The following DGKI variants were observed in gnomAD, a reference collection of about 807,000 sequenced individuals.
The protein encoded by DGKI is diacylglycerol kinase iota, also known as DAG kinase iota.
DGKI carries 55 observed loss-of-function variants against 147.5 expected under a neutral mutation model. The ratio of observed to expected loss-of-function variants is 0.37; its 90% CI spans 0.30 to 0.47. DGKI has a LOEUF of 0.47. DGKI is among the 20% of genes least tolerant of loss of function. The pLI is 1.00. For synonymous variants in DGKI, 469 were observed against 477.1 expected, an observed-to-expected ratio of 0.98 and a Z score of 0.22; for missense variants, 1,007 against 1,323.8, an observed-to-expected ratio of 0.76 and a Z score of 3.71.
chr7:137,814,313 C>T (rs912022993), intron 1 of DGKI, among the ~76,000 whole-genome samples: 4 of 152,058 alleles, frequency 2.6e-5, no homozygotes, highest in African/African-American at 9.7e-5. Context: ...TAAAGAAATG[C>T]CAAAAAACGA....
At chr7:137,427,111 C>T (rs1812845648) in intron 28 of DGKI, among the ~76,000 whole-genome samples, 1 of 151,910 alleles carries the variant, frequency 6.6e-6, no homozygotes, top group Admixed American at 6.6e-5. Flanking sequence ...TTTTCAGCAC[C>T]ACCCCACACC....
intron 21 of DGKI, among the ~76,000 whole-genome samples, chr7:137,497,588 C>T (rs968750748): frequency 6.6e-6 from 1 of 152,002 alleles, no homozygotes; most frequent in African/African-American, 2.4e-5. Flanking sequence ...GGGACATATA[C>T]ACCATGCAAT....
At position 137,387,706 on chromosome 7, in the gene DGKI, G is replaced by A. The variant is rs1188186711; in HGVS notation, c.*3514C>T. 1.3e-5 allele frequency: 2 copies of A among 152,044 alleles called. No individual in the cohort carries two copies. The highest frequency in any genetic ancestry group is 1.3e-4 in the Admixed American group (2 of 15,238). The allele number at this position is 152,044 out of a possible 1,614,324, so 9.4% of individuals were successfully genotyped here. On this transcript the variant is annotated 3_prime_UTR_variant, in exon 33 of 33. Coordinates refer to ENST00000614521, the MANE Select transcript of DGKI (RefSeq NM_001321708.2). ...AAGTGGGACACAACACCAGAACAAA[G>A]GGATGCCTTGACTGTGGATGTGATA...
intron 23 of DGKI, among the ~76,000 whole-genome samples, chr7:137,470,786 C>G (rs774848844): frequency 1.7e-4 from 26 of 152,098 alleles, no homozygotes; most frequent in Non-Finnish European, 3.4e-4. Context: ...TGTTTATTAT[C>G]TCCTGCTCCA....
rs531012454 is a variant in DGKI at position 137,737,621 on chromosome 7, C to T, written c.402-47619G>A. Among the ~76,000 whole-genome samples, 245 of 152,132 alleles carry T rather than the reference C, an allele frequency of 1.6e-3. 3 individuals carry two copies. Among genetic ancestry groups the T allele is most frequent in the Non-Finnish European group, 3.0e-3 (206 of 67,966 alleles). ...TTGAGCCCAAGGCATTTCCTATCAA[C>T]CCAAATTACATCTCCTGTTTCCCTA... On this transcript the variant is annotated intron_variant, in intron 1 of 32. Coordinates refer to ENST00000614521, the MANE Select transcript of DGKI (RefSeq NM_001321708.2).
chr7:137,666,601 T>G (rs1211164993), intron 3 of DGKI, among the ~76,000 whole-genome samples: 1 of 152,174 alleles, frequency 6.6e-6, no homozygotes, highest in Non-Finnish European at 1.5e-5. Context: ...GCGAAGGGCC[T>G]GATAAGTTTG....
chr7:137,662,240 C>CTTTTTTTTT lies in DGKI; in HGVS notation c.607-5709_607-5701dup, dbSNP rs1170356266. Among the ~76,000 whole-genome samples the CTTTTTTTTT allele has an allele frequency of 2.1e-4, 26 of 126,432 alleles. 1 individual carries two copies. Among genetic ancestry groups the CTTTTTTTTT allele is most frequent in the African/African-American group, 7.1e-4 (23 of 32,606 alleles). 82.9% of individuals were successfully genotyped at this position (126,432 alleles called of 152,430 possible). A position where few individuals can be genotyped will look rare whatever the true frequency, so the allele number is the denominator to read the frequency against. On this transcript the variant is annotated intron_variant, in intron 3 of 32. Transcript: ENST00000614521. Reference sequence around the variant, plus strand: ...GGCCGGCTGAAGTTCCAGCACACTCCTTTTTTTTTTTTTTTTTTTCGAGAC... The same window carrying CTTTTTTTTT: ...GGCCGGCTGAAGTTCCAGCACACTCCTTTTTTTTTTTTTTTTTTTTTTTTTTTTCGAGAC...
intron 1 of DGKI, among the ~76,000 whole-genome samples, chr7:137,845,496 A>T (rs2117124611): frequency 6.6e-6 from 1 of 152,302 alleles, no homozygotes; most frequent in East Asian, 1.9e-4. Flanking sequence ...CAGCAAGTGT[A>T]CATCTTTGTA....
chr7:137,593,188 G>A (rs1819673887), intron 12 of DGKI, among the ~76,000 whole-genome samples: 2 of 152,094 alleles, frequency 1.3e-5, no homozygotes, highest in Non-Finnish European at 2.9e-5. Context: ...GGTTAAAGGT[G>A]GACTTGCAGA....
chr7:137,506,947 CAA>C (rs1816389339), intron 21 of DGKI, among the ~76,000 whole-genome samples: 1 of 152,056 alleles, frequency 6.6e-6, no homozygotes, highest in Non-Finnish European at 1.5e-5. Flanking sequence ...CCAAATGTGC[CAA>C]GGTTATCATG....
At chr7:137,471,503 GT>G (rs1479902210) in intron 23 of DGKI, among the ~76,000 whole-genome samples, 1 of 152,174 alleles carries the variant, frequency 6.6e-6, no homozygotes, top group Non-Finnish European at 1.5e-5. Context: ...TAAATCACTT[GT>G]TCTCAAAGTG....
intron 23 of DGKI, among the ~76,000 whole-genome samples, chr7:137,476,839 A>G (rs1355259791): frequency 6.6e-6 from 1 of 152,232 alleles, no homozygotes; most frequent in Non-Finnish European, 1.5e-5. Flanking sequence ...GGTGGAGAGT[A>G]CAGACTTCTT....
At chr7:137,422,070 G>A (rs989285725) in intron 28 of DGKI, among the ~76,000 whole-genome samples, 8 of 152,298 alleles carry the variant, frequency 5.3e-5, no homozygotes, top group African/African-American at 1.9e-4. Flanking sequence ...AAATGTTTAT[G>A]AGTCAACTCA....
chr7:137,738,726 C>A (rs1006000547), intron 1 of DGKI, among the ~76,000 whole-genome samples: 4 of 2,238 alleles, frequency 1.8e-3, no homozygotes, highest in African/African-American at 5.8e-3. Flanking sequence ...GATGAGGTTC[C>A]CCCCCCCCCT....
At chr7:137,453,553 A>G (rs992538096) in intron 27 of DGKI, among the ~76,000 whole-genome samples, 1 of 152,222 alleles carries the variant, frequency 6.6e-6, no homozygotes, top group African/African-American at 2.4e-5. Context: ...CGAGAATGAG[A>G]GTGAGAGATG....
intron 6 of DGKI, among the ~76,000 whole-genome samples, chr7:137,637,954 C>T (rs557473119): frequency 1.3e-4 from 20 of 152,086 alleles, no homozygotes; most frequent in South Asian, 2.1e-4. Flanking sequence ...GAATGATTTC[C>T]GTCATAAGCG....
chr7:137,774,513 T>C (rs986806129), intron 1 of DGKI: 1 of 152,246 alleles, frequency 6.6e-6, no homozygotes, highest in African/African-American at 2.4e-5. Context: ...ATTCTCCTTA[T>C]GTTAATGTGT....
chr7:137,684,927 G>T (rs913233085), intron 2 of DGKI, among the ~76,000 whole-genome samples: 9 of 152,108 alleles, frequency 5.9e-5, no homozygotes, highest in African/African-American at 9.7e-5. Flanking sequence ...GCACACGGAC[G>T]AGCACGCACG....
At chr7:137,683,758 G>T (rs569115460) in intron 2 of DGKI, among the ~76,000 whole-genome samples, 1 of 152,074 alleles carries the variant, frequency 6.6e-6, no homozygotes, top group African/African-American at 2.4e-5. Flanking sequence ...TTCTGTACTT[G>T]TGAGTGCTGA....
Sources: gnomAD v4.1 joint callset for allele counts (sites outside exome capture counted in the v4.1 genomes callset) on GRCh38, gnomAD v4.1.1 for gene constraint, MANE v1.5 for transcripts, NCBI Gene and HGNC (gene_info 2026-07-23, HGNC 2026-07-21) for gene names.